Variants in TRPS1 observed in about 807,000 individuals in gnomAD.
TRPS1 encodes the protein transcriptional repressor GATA binding 1.
TRPS1 carries 6 observed loss-of-function variants against 101.2 expected under a neutral mutation model. The ratio of observed to expected loss-of-function variants is 0.06; its 90% confidence interval spans 0.03 to 0.12. The LOEUF is 0.12. Ranked by LOEUF, TRPS1 falls within the 10% of genes least tolerant of loss-of-function variation. TRPS1 has a pLI of 1.00. For synonymous variants in TRPS1, 578 were observed against 589.8 expected, an observed-to-expected ratio of 0.98 and a Z score of 0.29; for missense variants, 1,363 against 1,567.0, an observed-to-expected ratio of 0.87 and a Z score of 2.20.
intron 5 of TRPS1, among the ~76,000 whole-genome samples, chr8:115,561,600 A>T (rs2130369228): frequency 6.6e-6 from 1 of 152,228 alleles, no homozygotes; most frequent in East Asian, 1.9e-4. Context: ...TACCCTCGGT[A>T]ACCTTTACAG....
chr8:115,518,756 G>A lies in TRPS1; in HGVS notation c.2700+68245C>T, dbSNP rs1026055020. Among the ~76,000 whole-genome samples the A allele has an allele frequency of 7.2e-5, 11 of 151,772 alleles. No individual in the cohort carries two copies. The Admixed American group carries it at 7.3e-4, about 10-fold the overall frequency. On this transcript the variant is annotated intron_variant, in intron 5 of 6. Transcript: ENST00000395715. ...ATAGCTCCGATCACTTTAAAATAGA[G>A]GTTAGAAGAGTAAAGGTGATATTTT...
At chr8:115,499,762 CAG>C (rs1815255107) in intron 5 of TRPS1, among the ~76,000 whole-genome samples, 1 of 152,032 alleles carries the variant, frequency 6.6e-6, no homozygotes, top group South Asian at 2.1e-4. Flanking sequence ...AATTAATAAA[CAG>C]AGATTAAGAG....
In TRPS1 at chr8:115,414,944, G is replaced by A; in HGVS notation, c.2964C>T (p.Val988=). 1 of 1,595,520 alleles carries A rather than the reference G, an allele frequency of 6.3e-7. No individual in the cohort carries two copies. The highest frequency in any genetic ancestry group is 8.5e-7 in the Non-Finnish European group (1 of 1,171,362). The change falls in exon 7 of 7, where the codon GTC becomes GTT. Residue 988 remains valine, a synonymous_variant. Transcript: ENST00000395715. The surrounding 1 kb of genome is among the most constrained non-coding windows in gnomAD (Gnocchi z 4.8). ...ACCTCCTCTCTAACGGGCTTCCATT[G>A]ACTTGCTCCTCATTGCTGCCCCTCT... ...KQQRGSNEEQ[V]NGSPLERRSE... is the part of the protein sequence containing the mutation.
chr8:115,488,536 G>A (rs1367352109), intron 5 of TRPS1, among the ~76,000 whole-genome samples: 2 of 152,070 alleles, frequency 1.3e-5, no homozygotes, highest in African/African-American at 2.4e-5. Context: ...TTAGCTGGGC[G>A]TGGTGATGTA....
intron 5 of TRPS1, chr8:115,492,062 C>T (rs2130106858): frequency 2.5e-6 from 1 of 407,632 alleles, no homozygotes; most frequent in African/African-American, 2.1e-5. Flanking sequence ...CACTTGGCTT[C>T]TAATACATGT....
At position 115,547,561 on chromosome 8, in the gene TRPS1, G is replaced by T. The variant is rs566296425; in HGVS notation, c.2700+39440C>A. ...ACACAGGTTAGTGTTTCAAATAGAA[G>T]GCAGTCACCGTAATTAGCTTCAGGG... is the stretch of plus-strand genomic sequence containing the variant. On this transcript the variant is annotated intron_variant, in intron 5 of 6. Coordinates refer to ENST00000395715, the MANE Select transcript of TRPS1 (RefSeq NM_014112.5). Among the ~76,000 whole-genome samples, 6 of 152,170 alleles carry T rather than the reference G, an allele frequency of 3.9e-5. No individual in the cohort carries two copies. In the South Asian group the frequency reaches 1.2e-3, roughly 32 times the overall value.
chr8:115,473,417 C>T (rs867467739), intron 5 of TRPS1, among the ~76,000 whole-genome samples: 19 of 152,308 alleles, frequency 1.2e-4, no homozygotes, highest in African/African-American at 4.3e-4. Context: ...GATTCAATTA[C>T]CTCCCACCAG....
intron 5 of TRPS1, among the ~76,000 whole-genome samples, chr8:115,535,267 TATATATAGC>T (rs1354029706): frequency 1.1e-4 from 16 of 142,792 alleles, no homozygotes; most frequent in Non-Finnish European, 2.4e-4. Context: ...ATATATAGCA[TATATATAGC>T]ATATATAGCA....
At chr8:115,557,430 C>A (rs1463504864) in intron 5 of TRPS1, among the ~76,000 whole-genome samples, 2 of 152,124 alleles carry the variant, frequency 1.3e-5, no homozygotes, top group African/African-American at 4.8e-5. Flanking sequence ...TCTTGAATTG[C>A]AGGTCCCATA....
intron 5 of TRPS1, among the ~76,000 whole-genome samples, chr8:115,435,143 T>C (rs1018870558): frequency 6.6e-6 from 1 of 152,208 alleles, no homozygotes; most frequent in African/African-American, 2.4e-5. Flanking sequence ...AGCTTCTCAG[T>C]GGTTTATATT....
At chr8:115,519,395 T>C (rs894845986) in intron 5 of TRPS1, among the ~76,000 whole-genome samples, 1 of 151,674 alleles carries the variant, frequency 6.6e-6, no homozygotes, top group African/African-American at 2.4e-5. Flanking sequence ...ATTTGAAATA[T>C]GTTTCCTTTA....
rs1363207006 is a variant in TRPS1, at chr8:115,411,115, A to G, written c.*2908T>C. 6.6e-6 allele frequency: 1 copy of G among 152,230 alleles called. No individual in the cohort carries two copies. The highest frequency in any genetic ancestry group is 2.4e-5 in the African/African-American group (1 of 41,418). The allele number at this position is 152,230 out of a possible 1,614,324, so 9.4% of individuals were successfully genotyped here. On this transcript the variant is annotated 3_prime_UTR_variant, in exon 7 of 7. Transcript: ENST00000395715. ...TCCACCAAAATATGTATAATAATGAAAGCAAAAAATGAAAATAAAATTATC... is the reference window on the plus strand; with the variant it reads ...TCCACCAAAATATGTATAATAATGAGAGCAAAAAATGAAAATAAAATTATC...
chr8:115,502,415 C>T (rs370835674), intron 5 of TRPS1, among the ~76,000 whole-genome samples: 2 of 152,112 alleles, frequency 1.3e-5, no homozygotes, highest in African/African-American at 4.8e-5. Context: ...CCCCTTATTT[C>T]TTTGATGCAG....
At chr8:115,516,703 T>C (rs1320534697) in intron 5 of TRPS1, among the ~76,000 whole-genome samples, 5 of 151,488 alleles carry the variant, frequency 3.3e-5, no homozygotes, top group African/African-American at 1.2e-4. Flanking sequence ...AACTTAGAAG[T>C]AGGCAAGGTA....
In TRPS1 at chr8:115,623,701, A is replaced by G. The variant is rs1052317870; in HGVS notation, c.-64T>C. 1.1e-5 allele frequency: 17 copies of G among 1,593,124 alleles called. No homozygotes were observed. The African/African-American group carries it at 2.0e-4, about 19-fold the overall frequency. ...AGTCAACTAGCAGGAGGCTAATGCA[A>G]TTGTCTTAGAAGACGCTCAGAAGAC... On this transcript the variant is annotated 5_prime_UTR_variant, in exon 2 of 7. Transcript: ENST00000395715.
chr8:115,467,568 G>A (rs1814356077), intron 5 of TRPS1, among the ~76,000 whole-genome samples: 1 of 152,026 alleles, frequency 6.6e-6, no homozygotes, highest in African/African-American at 2.4e-5. Context: ...CAGGAGCCAG[G>A]ACAGAGAATA....
chr8:115,464,886 C>G (rs904307404), intron 5 of TRPS1, among the ~76,000 whole-genome samples: 1 of 152,002 alleles, frequency 6.6e-6, no homozygotes, highest in African/African-American at 2.4e-5. Flanking sequence ...GGAACAAAGT[C>G]AAACAAGATG....
chr8:115,438,613 C>T (rs2129867700), intron 5 of TRPS1, among the ~76,000 whole-genome samples: 1 of 152,236 alleles, frequency 6.6e-6, no homozygotes, highest in Non-Finnish European at 1.5e-5. Flanking sequence ...GCATAAACAA[C>T]AAATGATCTC....
intron 5 of TRPS1, among the ~76,000 whole-genome samples, chr8:115,558,952 G>C (rs919736137): frequency 6.6e-6 from 1 of 151,884 alleles, no homozygotes; most frequent in African/African-American, 2.4e-5. Flanking sequence ...TATGTTAAGG[G>C]GTAACATTGC....
Sources: allele counts gnomAD v4.1 joint callset (sites outside exome capture counted in the v4.1 genomes callset), GRCh38; gene constraint gnomAD v4.1.1; non-coding constraint Gnocchi (gnomAD v3.1); transcripts MANE v1.5; gene names NCBI Gene and HGNC (gene_info 2026-07-23, HGNC 2026-07-21).